The following CD200R1L variants were observed in gnomAD, a reference collection of about 807,000 sequenced individuals.
CD200R1L encodes cell surface glycoprotein CD200 receptor 2.
A neutral mutation model predicts 24.8 loss-of-function variants in CD200R1L; 14 were observed. The ratio of observed to expected loss-of-function variants is 0.56; its 90% CI spans 0.37 to 0.88. The LOEUF (loss-of-function observed/expected upper bound fraction) is 0.88, where lower values mean the gene tolerates loss of function less well. Ranked by LOEUF, CD200R1L falls within the 40% of genes least tolerant of loss-of-function variation. The probability of loss-of-function intolerance (pLI) is 0.00; values close to 1 mark genes in which losing one functional copy is unlikely to be tolerated. For synonymous variants in CD200R1L, 111 were observed against 109.2 expected (o/e 1.02, Z -0.11); for missense variants, 299 against 297.8 (o/e 1.00, Z -0.03).
intron 4 of CD200R1L, among the ~76,000 whole-genome samples, chr3:112,828,004 A>T (rs549550059): frequency 6.6e-6 from 1 of 152,380 alleles, no homozygotes; most frequent in South Asian, 2.1e-4. Flanking sequence ...AAAAGAAAAC[A>T]GAATTATAAT....
intron 3 of CD200R1L, among the ~76,000 whole-genome samples, chr3:112,831,711 T>C (rs1231188812): frequency 6.6e-6 from 1 of 152,148 alleles, no homozygotes; most frequent in Non-Finnish European, 1.5e-5. Flanking sequence ...TACCAGAAGC[T>C]GGGAGAAGGG....
rs544082238 is a variant in CD200R1L, at chr3:112,825,845, A to G, written c.616+1148T>C. ...TTTAGAATTTGGGTTGAATGTTGGTACTACAGAAGGGAAGATCAGGTAATA... is the reference window on the plus strand; with the variant it reads ...TTTAGAATTTGGGTTGAATGTTGGTGCTACAGAAGGGAAGATCAGGTAATA... On this transcript the variant is annotated intron_variant, in intron 6 of 7. Coordinates refer to ENST00000488794, the MANE Select transcript of CD200R1L (RefSeq NM_001199215.3). 7.2e-5 allele frequency among the ~76,000 whole-genome samples: 11 copies of G among 152,336 alleles called. No individual in the cohort carries two copies. The South Asian group carries it at 2.1e-3, about 29-fold the overall frequency.
At chr3:112,831,096 G>A (rs1938787296) in intron 3 of CD200R1L, among the ~76,000 whole-genome samples, 1 of 152,148 alleles carries the variant, frequency 6.6e-6, no homozygotes, top group South Asian at 2.1e-4. Flanking sequence ...TTGCTTATAA[G>A]TATAATTTTT....
intron 7 of CD200R1L, 90 bp downstream of exon 7, chr3:112,819,682 G>A (rs1029534292): frequency 1.2e-5 from 17 of 1,367,164 alleles, no homozygotes; most frequent in Non-Finnish European, 1.5e-5. Flanking sequence ...AAAGTGTCAA[G>A]CTTTTCCCAG....
At chr3:112,833,805 C>T (rs867775224) in intron 3 of CD200R1L, among the ~76,000 whole-genome samples, 13 of 152,178 alleles carry the variant, frequency 8.5e-5, no homozygotes, top group Admixed American at 3.9e-4. Flanking sequence ...GATGGGTTGC[C>T]TCAGTCTGTG....
chr3:112,841,534 C>T (rs1939079928), intron 2 of CD200R1L, among the ~76,000 whole-genome samples: 1 of 152,204 alleles, frequency 6.6e-6, no homozygotes, highest in Non-Finnish European at 1.5e-5. Flanking sequence ...AAAACACAGC[C>T]ATATGCAGTC....
chr3:112,833,885 A>G (rs1389209584), intron 3 of CD200R1L, among the ~76,000 whole-genome samples: 1 of 152,240 alleles, frequency 6.6e-6, no homozygotes, highest in Non-Finnish European at 1.5e-5. Context: ...GACAGTGATG[A>G]TGAAAAACAC....
In CD200R1L at chr3:112,827,679, T is replaced by A; in HGVS notation, c.55A>T (p.Ile19Phe). Residue 19 changes from isoleucine to phenylalanine, a missense_variant, in exon 5 of 8, where the codon ATT becomes TTT. By Grantham distance (21) the Ile-to-Phe change is conservative. Coordinates refer to ENST00000488794, the MANE Select transcript of CD200R1L (RefSeq NM_001199215.3). ...NYSTIFAEGN[I>F]SQPVLMDINA... is the part of the protein sequence containing the mutation. ...ATATCCATCAGTACAGGCTGTGAAA[T>A]GTTACCTGGACACACACACAAAGGA... 6.2e-7 allele frequency: 1 copy of A among 1,612,342 alleles called. No homozygotes were observed.
intron 6 of CD200R1L, among the ~76,000 whole-genome samples, chr3:112,822,993 T>A (rs943293597): frequency 4.6e-5 from 7 of 152,116 alleles, no homozygotes; most frequent in African/African-American, 1.7e-4. Flanking sequence ...TTGCCTAACA[T>A]GAAATGTTAA....
At chr3:112,831,087 T>C (rs900389285) in intron 3 of CD200R1L, among the ~76,000 whole-genome samples, 4 of 152,216 alleles carry the variant, frequency 2.6e-5, no homozygotes, top group African/African-American at 9.6e-5. Flanking sequence ...CACTATTAGT[T>C]GCTTATAAGT....
At position 112,826,212 on chromosome 3, in the gene CD200R1L, TAAC is replaced by T. The variant is rs1456355852; in HGVS notation, c.616+778_616+780del. 1.3e-5 allele frequency among the ~76,000 whole-genome samples: 2 copies of T among 152,080 alleles called. 1 individual carries two copies. The highest frequency in any genetic ancestry group is 4.1e-4 in the South Asian group (2 of 4,836). ...ATTTTTATTAATACGATATATATAA[TAAC>T]CAACATTTATTAATATAAGGAAATC... On this transcript the variant is annotated intron_variant, in intron 6 of 7. Transcript: ENST00000488794.
chr3:112,819,428 G>T (rs9845553), intron 7 of CD200R1L, among the ~76,000 whole-genome samples: 2 of 152,098 alleles, frequency 1.3e-5, no homozygotes, highest in African/African-American at 4.8e-5. Flanking sequence ...AATTAAGCAG[G>T]AATGAACACA....
At chr3:112,835,847 C>T (rs545543411) in intron 3 of CD200R1L, among the ~76,000 whole-genome samples, 16 of 152,214 alleles carry the variant, frequency 1.1e-4, no homozygotes, top group South Asian at 2.1e-4. Context: ...AGGTTGCAGC[C>T]GCAGCTTGGG....
At chr3:112,826,367 T>A (rs1282452865) in intron 6 of CD200R1L, among the ~76,000 whole-genome samples, 1 of 152,136 alleles carries the variant, frequency 6.6e-6, no homozygotes, top group Non-Finnish European at 1.5e-5. Context: ...GTAGATCCTA[T>A]TATCCTCATT....
At chr3:112,823,410 G>T (rs927906897) in intron 6 of CD200R1L, among the ~76,000 whole-genome samples, 1 of 152,194 alleles carries the variant, frequency 6.6e-6, no homozygotes, top group Non-Finnish European at 1.5e-5. Context: ...TGTGACTGGT[G>T]TCTGAAGTGA....
chr3:112,837,633 C>T (rs1017119203), intron 3 of CD200R1L, among the ~76,000 whole-genome samples: 3 of 152,226 alleles, frequency 2.0e-5, no homozygotes, highest in Non-Finnish European at 4.4e-5. Context: ...TGTAGTGCTC[C>T]TCTCATTCTA....
At chr3:112,834,965 C>A (rs1401173144) in intron 3 of CD200R1L, among the ~76,000 whole-genome samples, 1 of 152,178 alleles carries the variant, frequency 6.6e-6, no homozygotes, top group African/African-American at 2.4e-5. Context: ...GTGTCACAGC[C>A]CTGGCTCAGG....
rs375738363 is a variant in CD200R1L, at chr3:112,837,464, C to A, written c.-18+478G>T. The stretch of plus-strand genomic sequence containing the variant: ...AGCATGCACACTAAACTCCTCCCAC[C>A]CCAGACTGCTTCTATTGGCTGAACA... On this transcript the variant is annotated intron_variant, in intron 3 of 7. Coordinates refer to ENST00000488794, the MANE Select transcript of CD200R1L (RefSeq NM_001199215.3). Among the ~76,000 whole-genome samples the A allele has an allele frequency of 1.1e-3, 162 of 152,282 alleles. 4 individuals carry two copies. The South Asian group carries it at 0.031, about 29-fold the overall frequency.
At chr3:112,833,467 A>G (rs1938859241) in intron 3 of CD200R1L, among the ~76,000 whole-genome samples, 1 of 152,188 alleles carries the variant, frequency 6.6e-6, no homozygotes, top group Non-Finnish European at 1.5e-5. Context: ...ATGGCATGCT[A>G]CGGGACCCTG....
Sources: allele counts gnomAD v4.1 joint callset (sites outside exome capture counted in the v4.1 genomes callset), GRCh38; gene constraint gnomAD v4.1.1; transcripts MANE v1.5; gene names NCBI Gene and HGNC (gene_info 2026-07-23, HGNC 2026-07-21).